PPP1R12B: variants seen among roughly 807,000 people sequenced by gnomAD.
PPP1R12B encodes protein phosphatase 1 regulatory subunit 12B.
Under a neutral mutation model 126.1 loss-of-function variants are expected in PPP1R12B, and 76 were observed. The ratio of observed to expected loss-of-function variants is 0.60; its 90% CI spans 0.50 to 0.73. The LOEUF (loss-of-function observed/expected upper bound fraction) is 0.73. Among genes scored for constraint, PPP1R12B ranks in the 30% least tolerant of loss-of-function variants. PPP1R12B has a pLI of 0.00. For synonymous variants in PPP1R12B, 356 were observed against 434.7 expected, an observed-to-expected ratio of 0.82 and a Z score of 2.25; for missense variants, 1,052 against 1,205.1, an observed-to-expected ratio of 0.87 and a Z score of 1.88.
intron 1 of PPP1R12B, among the ~76,000 whole-genome samples, chr1:202,397,983 C>T (rs926800706): frequency 1.3e-5 from 2 of 152,190 alleles, no homozygotes; most frequent in African/African-American, 4.8e-5. Context: ...GCAATCTCAG[C>T]TCACTGCAAC....
intron 14 of PPP1R12B, among the ~76,000 whole-genome samples, chr1:202,489,434 A>G (rs367879244): frequency 2.6e-5 from 4 of 152,376 alleles, no homozygotes; most frequent in East Asian, 1.9e-4. Context: ...AGTATTATTC[A>G]TAATAGCCAA....
chr1:202,535,271 A>G (rs1473743342), intron 18 of PPP1R12B, among the ~76,000 whole-genome samples: 1 of 152,200 alleles, frequency 6.6e-6, no homozygotes, highest in Non-Finnish European at 1.5e-5. Context: ...GCACCATGGT[A>G]TATTGCTAGC....
intron 1 of PPP1R12B, among the ~76,000 whole-genome samples, chr1:202,355,040 C>T (rs1033871401): frequency 6.6e-6 from 1 of 151,642 alleles, no homozygotes; most frequent in Non-Finnish European, 1.5e-5. Flanking sequence ...GGGTGGATCA[C>T]GAGGTCAGGA....
At chr1:202,470,521 T>TCA (rs1675708358) in intron 13 of PPP1R12B, among the ~76,000 whole-genome samples, 1 of 152,220 alleles carries the variant, frequency 6.6e-6, no homozygotes, top group African/African-American at 2.4e-5. Flanking sequence ...GCCCGTATTC[T>TCA]CACCATCAGC....
At chr1:202,480,929 AC>A (rs1201163837) in intron 13 of PPP1R12B, among the ~76,000 whole-genome samples, 1 of 152,190 alleles carries the variant, frequency 6.6e-6, no homozygotes, top group Admixed American at 6.5e-5. Flanking sequence ...CCTTTTTGGC[AC>A]CAGGGACTGG....
chr1:202,379,488 G>C (rs1240985720), intron 1 of PPP1R12B, among the ~76,000 whole-genome samples: 1 of 152,100 alleles, frequency 6.6e-6, no homozygotes, highest in African/African-American at 2.4e-5. Flanking sequence ...GAGTTACCAG[G>C]ACTTGTCAGT....
chr1:202,461,353 C>T (rs566617968), intron 13 of PPP1R12B, among the ~76,000 whole-genome samples: 1 of 152,216 alleles, frequency 6.6e-6, no homozygotes, highest in Admixed American at 6.5e-5. Flanking sequence ...TTACGAGTAA[C>T]CTAGATTTTC....
At chr1:202,450,901 A>G (rs1027186316) in intron 13 of PPP1R12B, among the ~76,000 whole-genome samples, 2 of 152,158 alleles carry the variant, frequency 1.3e-5, no homozygotes, top group African/African-American at 4.8e-5. Flanking sequence ...CAAGAATAGC[A>G]TTGGTATTTT....
chr1:202,373,538 G>A (rs1291354636), intron 1 of PPP1R12B, among the ~76,000 whole-genome samples: 1 of 152,126 alleles, frequency 6.6e-6, no homozygotes, highest in South Asian at 2.1e-4. Flanking sequence ...TTTGCATGTG[G>A]ATATCCAGTT....
chr1:202,561,435 T>A (rs1004539630), intron 19 of PPP1R12B, among the ~76,000 whole-genome samples: 3 of 152,004 alleles, frequency 2.0e-5, no homozygotes, highest in Non-Finnish European at 2.9e-5. Context: ...GATGGCAAGA[T>A]GTCCACGGTC....
chr1:202,411,399 T>C (rs1227476284), intron 1 of PPP1R12B, among the ~76,000 whole-genome samples: 1 of 152,180 alleles, frequency 6.6e-6, no homozygotes, highest in Admixed American at 6.5e-5. Context: ...CATACTATTT[T>C]ATTCATATAG....
In PPP1R12B at chr1:202,584,776, G is replaced by A. The variant is rs1689723643; in HGVS notation, c.*4216G>A. The A allele has an allele frequency of 6.6e-6, 1 of 152,194 alleles. No individual in the cohort carries two copies. 9.4% of individuals were successfully genotyped at this position (152,194 alleles called of 1,614,324 possible). A position where few individuals can be genotyped will look rare whatever the true frequency, so the allele number is the denominator to read the frequency against. The stretch of plus-strand genomic sequence containing the variant: ...GCAAAAAGGAAAAAGAAAGCAGAAA[G>A]GATTCAGCATTTAAGCAGAAAGAAA... On this transcript the variant is annotated 3_prime_UTR_variant, in exon 24 of 24. Transcript: ENST00000608999.
intron 3 of PPP1R12B, among the ~76,000 whole-genome samples, chr1:202,425,081 A>C (rs1003801931): frequency 4.6e-5 from 7 of 152,192 alleles, no homozygotes; most frequent in Non-Finnish European, 1.0e-4. Flanking sequence ...AGGATATCGG[A>C]GTTCTAGCGG....
intron 12 of PPP1R12B, among the ~76,000 whole-genome samples, chr1:202,446,731 A>G (rs368537507): frequency 6.6e-6 from 1 of 151,940 alleles, no homozygotes. Flanking sequence ...TAGTTTGCTC[A>G]TATGTAACGA....
chr1:202,349,468 G>A (rs1290814484), intron 1 of PPP1R12B, among the ~76,000 whole-genome samples: 1 of 152,096 alleles, frequency 6.6e-6, no homozygotes, highest in South Asian at 2.1e-4. Flanking sequence ...TCTGGTTGGC[G>A]TGCCTGCACA....
At chr1:202,353,168 A>G (rs938712097) in intron 1 of PPP1R12B, among the ~76,000 whole-genome samples, 1 of 152,244 alleles carries the variant, frequency 6.6e-6, no homozygotes, top group East Asian at 1.9e-4. Context: ...TGTTCAGTTC[A>G]ATATAAAATA....
Position 202,490,648 on chromosome 1 carries a change from C to T in PPP1R12B, c.1941+2025C>T, listed in dbSNP as rs967295533. Among the ~76,000 whole-genome samples the T allele has an allele frequency of 3.3e-5, 5 of 152,316 alleles. 1 individual carries two copies. On this transcript the variant is annotated intron_variant, in intron 14 of 23. Coordinates refer to ENST00000608999, the MANE Select transcript of PPP1R12B (RefSeq NM_002481.4). The stretch of plus-strand genomic sequence containing the variant: ...CATTAAATAATTACTCCCCATTTCC[C>T]TCTGGCAACGCTGCTTCCACTTTCT...
At chr1:202,382,912 TA>T (rs1202297342) in intron 1 of PPP1R12B, among the ~76,000 whole-genome samples, 3 of 151,910 alleles carry the variant, frequency 2.0e-5, no homozygotes, top group African/African-American at 7.3e-5. Context: ...GATGTGTATA[TA>T]AAATCCAAGA....
chr1:202,357,857 A>G lies in PPP1R12B; in HGVS notation c.291+8715A>G, dbSNP rs955681001. On this transcript the variant is annotated intron_variant, in intron 1 of 23. Coordinates refer to ENST00000608999, the MANE Select transcript of PPP1R12B (RefSeq NM_002481.4). The stretch of plus-strand genomic sequence containing the variant: ...TTGTTACTTTTACTTAGCAGTAGAT[A>G]CAATTTAGAAACTAACTTGAATTTT... Among the ~76,000 whole-genome samples the G allele has an allele frequency of 4.6e-5, 7 of 152,204 alleles. No homozygotes were observed. In the East Asian group the frequency reaches 5.8e-4, roughly 13 times the overall value.
Sources: allele counts gnomAD v4.1 joint callset (sites outside exome capture counted in the v4.1 genomes callset), GRCh38; gene constraint gnomAD v4.1.1; transcripts MANE v1.5; gene names NCBI Gene and HGNC (gene_info 2026-07-23, HGNC 2026-07-21).